Variants in RNF125 observed in about 807,000 individuals in gnomAD.
RNF125 encodes the protein ring finger protein 125.
RNF125 carries 21 observed loss-of-function variants against 26.0 expected under a neutral mutation model. That is an observed-to-expected ratio of 0.81 (90% CI 0.57 to 1.16). The LOEUF (loss-of-function observed/expected upper bound fraction) is 1.16, where lower values mean the gene tolerates loss of function less well. RNF125 is among the 50% of genes most tolerant of loss of function. The pLI, the probability that RNF125 is intolerant of heterozygous loss-of-function variation, is 0.00. For synonymous variants in RNF125, 95 were observed against 109.2 expected (o/e 0.87, Z 0.81); for missense variants, 270 against 299.4 (o/e 0.90, Z 0.72).
At chr18:32,077,099 C>T (rs1415943422), downstream of RNF125, among the ~76,000 whole-genome samples, 5 of 152,126 alleles carry the variant, frequency 3.3e-5, no homozygotes, top group Non-Finnish European at 7.3e-5. Flanking sequence ...AACAATGGCA[C>T]ATGTCAAGTA....
chr18:32,023,225 T>G (rs561772999), intron 1 of RNF125, among the ~76,000 whole-genome samples: 2 of 152,270 alleles, frequency 1.3e-5, no homozygotes, highest in Non-Finnish European at 2.9e-5. Flanking sequence ...TGATCTCAGC[T>G]CGCTGCAACC....
the RNF125 span, among the ~76,000 whole-genome samples, chr18:32,080,804 A>C: frequency 1.3e-5 from 2 of 152,202 alleles, no homozygotes; most frequent in Admixed American, 6.5e-5. Flanking sequence ...TGAACCCGGG[A>C]GGCGGAGCTT....
At chr18:32,087,424 G>T in the RNF125 span, among the ~76,000 whole-genome samples, 108 of 151,982 alleles carry the variant, frequency 7.1e-4, 1 homozygote, top group Non-Finnish European at 1.9e-4. Flanking sequence ...GTGTCTGGGG[G>T]TATGGAAGCC....
At chr18:32,055,082 AC>A in intron 4 of RNF125, among the ~76,000 whole-genome samples, 1 of 152,022 alleles carries the variant, frequency 6.6e-6, no homozygotes, top group South Asian at 2.1e-4. Context: ...GAATTGTTTG[AC>A]CCCATGAGTT....
At chr18:32,039,341 A>G (rs1248473172) in intron 2 of RNF125, among the ~76,000 whole-genome samples, 1 of 151,880 alleles carries the variant, frequency 6.6e-6, no homozygotes, top group Admixed American at 6.6e-5. Flanking sequence ...GGCTGCAGTA[A>G]ACTATGATCG....
At chr18:32,077,437 A>G (rs540649341), downstream of RNF125, among the ~76,000 whole-genome samples, 4 of 148,184 alleles carry the variant, frequency 2.7e-5, no homozygotes, top group South Asian at 4.3e-4. Flanking sequence ...TCTCAGCTCA[A>G]TGCAACCTCT....
At chr18:32,082,262 A>G in the RNF125 span, among the ~76,000 whole-genome samples, 1 of 152,170 alleles carries the variant, frequency 6.6e-6, no homozygotes, top group African/African-American at 2.4e-5. Flanking sequence ...CTCCTGGCAA[A>G]TCAAATAAGA....
intron 1 of RNF125, among the ~76,000 whole-genome samples, chr18:32,020,858 G>A (rs2038979874): frequency 6.6e-6 from 1 of 151,710 alleles, no homozygotes; most frequent in African/African-American, 2.4e-5. Flanking sequence ...GCAGTGAGCT[G>A]AGATGGCATC....
chr18:32,079,719 G>C, the RNF125 span, among the ~76,000 whole-genome samples: 1 of 152,188 alleles, frequency 6.6e-6, no homozygotes, highest in African/African-American at 2.4e-5. Context: ...TCTCTTTAGA[G>C]ATATGCCCAT....
chr18:32,036,222 A>G (rs1326109540), intron 1 of RNF125, among the ~76,000 whole-genome samples: 3 of 151,262 alleles, frequency 2.0e-5, no homozygotes, highest in South Asian at 2.1e-4. Flanking sequence ...TGTTTTTGTT[A>G]TAGGTACTGG....
chr18:32,085,043 C>A, the RNF125 span, among the ~76,000 whole-genome samples: 3 of 152,092 alleles, frequency 2.0e-5, no homozygotes, highest in Non-Finnish European at 2.9e-5. Flanking sequence ...TGAAAAGTAA[C>A]CCAGTTCCTT....
At chr18:32,055,372 G>A (rs1343864913) in intron 4 of RNF125, among the ~76,000 whole-genome samples, 7 of 151,806 alleles carry the variant, frequency 4.6e-5, no homozygotes, top group Admixed American at 4.6e-4. Flanking sequence ...TCTTGCTCCC[G>A]GTATTCATTC....
At chr18:32,048,231 G>A (rs1477236145) in intron 4 of RNF125, among the ~76,000 whole-genome samples, 12 of 145,390 alleles carry the variant, frequency 8.3e-5, no homozygotes, top group African/African-American at 3.1e-4. Context: ...GACCAACATG[G>A]TGAAACCCTG....
downstream of RNF125, among the ~76,000 whole-genome samples, chr18:32,075,442 C>T (rs1598832132): frequency 6.6e-6 from 1 of 152,152 alleles, no homozygotes; most frequent in African/African-American, 2.4e-5. Context: ...GCCTGTAATC[C>T]CAGCACTTTG....
the RNF125 span, among the ~76,000 whole-genome samples, chr18:32,078,555 G>C: frequency 6.6e-6 from 1 of 151,930 alleles, no homozygotes; most frequent in African/African-American, 2.4e-5. Context: ...CATGAGGACT[G>C]TATAAGCCCA....
chr18:32,020,551 G>A (rs1357950954), intron 1 of RNF125, among the ~76,000 whole-genome samples: 1 of 151,408 alleles, frequency 6.6e-6, no homozygotes, highest in Admixed American at 6.6e-5. Flanking sequence ...TGCACAACAT[G>A]TTTTTGAGGA....
intron 4 of RNF125, among the ~76,000 whole-genome samples, chr18:32,057,669 A>G (rs962327526): frequency 1.3e-5 from 2 of 152,098 alleles, no homozygotes; most frequent in African/African-American, 2.4e-5. Flanking sequence ...ACTGGAGTTA[A>G]GAAAGGTGTT....
intron 4 of RNF125, among the ~76,000 whole-genome samples, chr18:32,046,596 CA>C (rs34644068): frequency 0.31 from 29,631 of 95,486 alleles, 2,503 homozygotes; most frequent in South Asian, 0.39. Context: ...GACTCTGTCT[CA>C]AAAAAAAAAA....
chr18:32,020,545 C>G (rs12967475), intron 1 of RNF125, among the ~76,000 whole-genome samples: 11 of 151,374 alleles, frequency 7.3e-5, no homozygotes, highest in African/African-American at 2.7e-4. Context: ...TGCAAGTGCA[C>G]AACATGTTTT....
Sources: allele counts gnomAD v4.1 joint callset (sites outside exome capture counted in the v4.1 genomes callset), GRCh38; gene constraint gnomAD v4.1.1; transcripts MANE v1.5; gene names NCBI Gene and HGNC (gene_info 2026-07-23, HGNC 2026-07-21).